DLST: variants seen among roughly 807,000 people sequenced by gnomAD.
The protein encoded by DLST is dihydrolipoyllysine-residue succinyltransferase component of 2-oxoglutarate dehydrogenase complex, mitochondrial.
DLST carries 17 observed loss-of-function variants against 53.1 expected under a neutral mutation model. That is an observed-to-expected ratio of 0.32 (90% CI 0.22 to 0.48). The LOEUF (loss-of-function observed/expected upper bound fraction) is 0.48. DLST is among the 20% of genes least tolerant of loss of function. The pLI, the probability that DLST is intolerant of heterozygous loss-of-function variation, is 0.99. For missense variants in DLST, 512 were observed against 583.9 expected (o/e 0.88, Z 1.27); for synonymous variants, 206 against 204.8 (o/e 1.01, Z -0.05).
intron 2 of DLST, among the ~76,000 whole-genome samples, chr14:74,884,095 G>T (rs1275555052): frequency 1.3e-5 from 2 of 152,208 alleles, no homozygotes; most frequent in African/African-American, 4.8e-5. Flanking sequence ...ATTTAACTGA[G>T]ACCTGAATAT....
chr14:74,900,950 T>G, intron 13 of DLST, 116 bp from the exon 14 acceptor site: 1 of 1,184,552 alleles, frequency 8.4e-7, no homozygotes. Flanking sequence ...GGCCTTGAAC[T>G]CCTGGCCTCA....
chr14:74,887,871 CATT>C (rs1287485990), intron 3 of DLST, among the ~76,000 whole-genome samples: 1 of 152,166 alleles, frequency 6.6e-6, no homozygotes, highest in African/African-American at 2.4e-5. Flanking sequence ...GTTATTTTGA[CATT>C]ATAAAAGTAA....
chr14:74,894,691 G>GC (rs750843784), intron 10 of DLST, among the ~76,000 whole-genome samples: 7 of 152,002 alleles, frequency 4.6e-5, no homozygotes, highest in East Asian at 3.9e-4. Flanking sequence ...GAATACAGGC[G>GC]CCCCCCACCA....
At chr14:74,890,655 A>G (rs189171673) in intron 6 of DLST, among the ~76,000 whole-genome samples, 1 of 152,102 alleles carries the variant, frequency 6.6e-6, no homozygotes, top group African/African-American at 2.4e-5. Context: ...ATGGCCTTAG[A>G]TGTTTGTGTG....
chr14:74,886,029 C>T (rs1024504960), intron 3 of DLST: 1 of 170,202 alleles, frequency 5.9e-6, no homozygotes, highest in Non-Finnish European at 1.3e-5. Context: ...TTTTTAAAAA[C>T]AGTAAAAGCA....
chr14:74,889,175 AT>A, intron 4 of DLST, 28 bp downstream of exon 4: 3 of 1,613,310 alleles, frequency 1.9e-6, no homozygotes, highest in Non-Finnish European at 2.5e-6. Context: ...TGGGAATGGA[AT>A]TTTATGGGAA....
chr14:74,900,488 A>G, intron 13 of DLST, 116 bp downstream of exon 13: 3 of 857,228 alleles, frequency 3.5e-6, no homozygotes, highest in Admixed American at 4.3e-5. Flanking sequence ...CCCCTGAGAA[A>G]AGCAGTTGCC....
chr14:74,901,848 T>A (rs545425652), intron 14 of DLST, among the ~76,000 whole-genome samples: 2 of 151,960 alleles, frequency 1.3e-5, no homozygotes, highest in Admixed American at 6.5e-5. Flanking sequence ...GGCTTAATTT[T>A]TTTTTTTTTT....
rs776139213 is a variant in DLST, at chr14:74,891,402, TAGC to T, written c.442+238_442+240del. The T allele has an allele frequency of 1.3e-5, 15 of 1,176,784 alleles. No homozygotes were observed. In the South Asian group the frequency reaches 2.1e-4, roughly 16 times the overall value. 72.9% of individuals were successfully genotyped at this position (1,176,784 alleles called of 1,614,324 possible). On this transcript the variant is annotated intron_variant, in intron 7 of 14. Transcript: ENST00000334220. ...CTCTGTTCTTTCCATGGGTGTTTCT[TAGC>T]AGGAGCTGAGAAACTGGACCTTTTC... is the stretch of plus-strand genomic sequence containing the variant.
chr14:74,887,754 G>T (rs1057415919), intron 3 of DLST, among the ~76,000 whole-genome samples: 1 of 152,276 alleles, frequency 6.6e-6, no homozygotes, highest in Admixed American at 6.5e-5. Context: ...GTTAGTTCTT[G>T]CCTATAGGCA....
At chr14:74,895,697 C>T (rs969504848) in intron 10 of DLST, among the ~76,000 whole-genome samples, 4 of 152,014 alleles carry the variant, frequency 2.6e-5, no homozygotes, top group African/African-American at 7.2e-5. Context: ...GCCAGGAGTT[C>T]GAGACCAGCC....
At chr14:74,900,837 G>T (rs920540367) in intron 13 of DLST, among the ~76,000 whole-genome samples, 3 of 152,132 alleles carry the variant, frequency 2.0e-5, no homozygotes, top group African/African-American at 7.2e-5. Context: ...CGATTCTCCT[G>T]CCTCAGCCTC....
chr14:74,893,009 T>A, intron 8 of DLST, 23 bp downstream of exon 8: 3 of 1,602,236 alleles, frequency 1.9e-6, no homozygotes, highest in Non-Finnish European at 2.6e-6. Flanking sequence ...CTCCCACATG[T>A]CATGTGGGAG....
At chr14:74,890,881 T>A (rs1321435486) in intron 6 of DLST, among the ~76,000 whole-genome samples, 175 bp from the exon 7 acceptor site, 4 of 152,010 alleles carry the variant, frequency 2.6e-5, no homozygotes, top group African/African-American at 9.7e-5. Context: ...TTTCACCATG[T>A]TGGCCAGGCT....
intron 8 of DLST, 49 bp downstream of exon 8, chr14:74,893,035 A>T (rs1594877421): frequency 6.4e-7 from 1 of 1,570,308 alleles, no homozygotes; most frequent in East Asian, 2.3e-5. Context: ...CTCGTCTAAT[A>T]TGTTCCTTCA....
intron 14 of DLST, 147 bp downstream of exon 14, chr14:74,901,380 TGTG>T (rs1181399897): frequency 9.2e-5 from 74 of 800,858 alleles, no homozygotes; most frequent in Non-Finnish European, 1.4e-4. Flanking sequence ...ATTATCAAAT[TGTG>T]GTCTGGATCA....
At chr14:74,901,323 T>C (rs1369501873) in intron 14 of DLST, 90 bp downstream of exon 14, 29 of 1,309,794 alleles carry the variant, frequency 2.2e-5, no homozygotes, top group Non-Finnish European at 3.1e-5. Flanking sequence ...TTAACTATAA[T>C]TTCAGGCCTA....
At position 74,891,062 on chromosome 14, in the gene DLST, G is replaced by A. The variant is rs145434180; in HGVS notation, c.337G>A (p.Val113Met). 1 of 1,612,594 alleles carries A rather than the reference G, an allele frequency of 6.2e-7. No homozygotes were observed. Among genetic ancestry groups the A allele is most frequent in the Admixed American group, 1.7e-5 (1 of 59,992 alleles). The change falls in exon 7 of 15, where the codon GTG becomes ATG. Residue 113 changes from valine (V) to methionine (M), a missense_variant. Coordinates refer to ENST00000334220, the MANE Select transcript of DLST (RefSeq NM_001933.5). Reference protein sequence around the residue: ...VCEIETDKTSVQVPSPANGVI... With the variant: ...VCEIETDKTSMQVPSPANGVI... ...ATCTGTCTTCCTCTTCCAGACATCT[G>A]TGCAGGTTCCATCACCAGCAAATGG...
At position 74,900,050 on chromosome 14, in the gene DLST, T is replaced by C. The variant is rs1884193732; in HGVS notation, c.975+54T>C. The C allele has an allele frequency of 1.0e-5, 14 of 1,386,788 alleles. No homozygotes were observed. In the Admixed American group the frequency reaches 2.4e-4, roughly 24 times the overall value. 85.9% of individuals were successfully genotyped at this position (1,386,788 alleles called of 1,614,324 possible). ...TGGTCTTAGACCCTCACCTTATCTG[T>C]GTGAAGGAGATCACACAAGAGAAAT... On this transcript the variant is annotated intron_variant, in intron 12 of 14. Coordinates refer to ENST00000334220, the MANE Select transcript of DLST (RefSeq NM_001933.5).
Sources: gnomAD v4.1 joint callset for allele counts (sites outside exome capture counted in the v4.1 genomes callset) on GRCh38, gnomAD v4.1.1 for gene constraint, MANE v1.5 for transcripts, NCBI Gene and HGNC (gene_info 2026-07-23, HGNC 2026-07-21) for gene names.